The following MACROD2 variants were observed in gnomAD, a reference collection of about 807,000 sequenced individuals.
The protein encoded by MACROD2 is mono-ADP ribosylhydrolase 2.
Under a neutral mutation model 70.4 loss-of-function variants are expected in MACROD2, and 36 were observed. The observed-to-expected ratio is 0.51, with a 90% confidence interval of 0.39 to 0.68. MACROD2 has a LOEUF of 0.68. MACROD2 is among the 30% of genes least tolerant of loss of function. The pLI, the probability that MACROD2 is intolerant of heterozygous loss-of-function variation, is 0.00. For missense variants in MACROD2, 496 were observed against 538.4 expected (o/e 0.92, Z 0.78); for synonymous variants, 172 against 178.8 (o/e 0.96, Z 0.30).
At chr20:15,692,796 T>C (rs533961463) in intron 8 of MACROD2, among the ~76,000 whole-genome samples, 43 of 152,302 alleles carry the variant, frequency 2.8e-4, no homozygotes, top group African/African-American at 9.4e-4. Context: ...GGCCATTGCA[T>C]ATATTAGCTG....
At chr20:15,796,692 T>G (rs1217521668) in intron 8 of MACROD2, among the ~76,000 whole-genome samples, 5 of 152,290 alleles carry the variant, frequency 3.3e-5, no homozygotes, top group East Asian at 3.9e-4. Flanking sequence ...TCAATAATAC[T>G]TAGAATTATT....
chr20:15,190,677 G>A (rs899336754), intron 5 of MACROD2, among the ~76,000 whole-genome samples: 2 of 152,118 alleles, frequency 1.3e-5, no homozygotes, highest in Non-Finnish European at 2.9e-5. Context: ...TGCCCTGTGG[G>A]GCCACACAGG....
chr20:15,643,213 C>T (rs1600705494), intron 8 of MACROD2, among the ~76,000 whole-genome samples: 1 of 152,172 alleles, frequency 6.6e-6, no homozygotes, highest in East Asian at 1.9e-4. Context: ...GTTAATCTCA[C>T]CTTCTACCCT....
At chr20:14,483,420 T>A (rs1338742301) in intron 3 of MACROD2, among the ~76,000 whole-genome samples, 1 of 152,154 alleles carries the variant, frequency 6.6e-6, no homozygotes, top group African/African-American at 2.4e-5. Context: ...TTTTATTTTT[T>A]TTTGAGACGG....
intron 8 of MACROD2, among the ~76,000 whole-genome samples, chr20:15,643,738 GA>G (rs1288081019): frequency 6.6e-6 from 1 of 152,184 alleles, no homozygotes; most frequent in African/African-American, 2.4e-5. Flanking sequence ...TCTTATTGGG[GA>G]GGTACCATTA....
chr20:16,020,966 CAG>C (rs1411505019), intron 15 of MACROD2, among the ~76,000 whole-genome samples: 1 of 152,044 alleles, frequency 6.6e-6, no homozygotes, highest in Non-Finnish European at 1.5e-5. Flanking sequence ...GTTTAGAAAA[CAG>C]AGAAAAATAA....
chr20:15,427,455 T>G (rs1459372381), intron 6 of MACROD2, among the ~76,000 whole-genome samples: 1 of 152,228 alleles, frequency 6.6e-6, no homozygotes, highest in Non-Finnish European at 1.5e-5. Context: ...GAAAGGGAGT[T>G]AGCCCAGATC....
At chr20:14,773,327 C>T (rs1461265025) in intron 5 of MACROD2, among the ~76,000 whole-genome samples, 3 of 152,076 alleles carry the variant, frequency 2.0e-5, no homozygotes, top group African/African-American at 4.8e-5. Flanking sequence ...CAAACATTTA[C>T]TATCAAGCAG....
chr20:16,049,677 A>C (rs571969937), intron 17 of MACROD2, among the ~76,000 whole-genome samples, 153 bp from the exon 18 acceptor site: 88 of 152,348 alleles, frequency 5.8e-4, no homozygotes, highest in Non-Finnish European at 1.1e-3. Flanking sequence ...TACAGTTCAG[A>C]CATCTAAAGC....
At chr20:14,849,418 G>T (rs903666073) in intron 5 of MACROD2, among the ~76,000 whole-genome samples, 2 of 152,118 alleles carry the variant, frequency 1.3e-5, no homozygotes, top group Non-Finnish European at 2.9e-5. Flanking sequence ...ACTTCGGTGT[G>T]CTGGGGCTGT....
At chr20:15,643,111 T>A (rs1363057653) in intron 8 of MACROD2, among the ~76,000 whole-genome samples, 1 of 152,222 alleles carries the variant, frequency 6.6e-6, no homozygotes, top group South Asian at 2.1e-4. Context: ...GGGGGTGACC[T>A]GGATTATACA....
chr20:14,855,806 T>C (rs1458671894), intron 5 of MACROD2, among the ~76,000 whole-genome samples: 1 of 152,016 alleles, frequency 6.6e-6, no homozygotes, highest in East Asian at 1.9e-4. Flanking sequence ...TTATCTCTTA[T>C]GGTATGTCTT....
intron 2 of MACROD2, among the ~76,000 whole-genome samples, chr20:14,080,768 TC>T (rs2053983002): frequency 6.6e-6 from 1 of 152,150 alleles, no homozygotes; most frequent in African/African-American, 2.4e-5. Flanking sequence ...TATTCTAGTT[TC>T]CTCTGATAGC....
chr20:14,116,120 T>C (rs2054510491), intron 3 of MACROD2, among the ~76,000 whole-genome samples: 2 of 152,198 alleles, frequency 1.3e-5, no homozygotes, highest in Admixed American at 6.5e-5. Context: ...TTGTAACTGG[T>C]ATACTTGAGG....
At chr20:15,285,677 C>A (rs2077484544) in intron 6 of MACROD2, among the ~76,000 whole-genome samples, 1 of 152,104 alleles carries the variant, frequency 6.6e-6, no homozygotes, top group African/African-American at 2.4e-5. Context: ...GAGCTAGAAC[C>A]TGTACTGGTT....
intron 4 of MACROD2, among the ~76,000 whole-genome samples, chr20:14,503,882 T>A (rs2084941957): frequency 6.6e-6 from 1 of 152,224 alleles, no homozygotes; most frequent in Non-Finnish European, 1.5e-5. Context: ...GGAAAAAGCA[T>A]AATTTTCTAG....
intron 17 of MACROD2, among the ~76,000 whole-genome samples, chr20:16,047,813 CCA>C (rs1364335036): frequency 1.3e-5 from 2 of 152,168 alleles, no homozygotes; most frequent in Non-Finnish European, 2.9e-5. Flanking sequence ...GGCCTTATGG[CCA>C]CAGTCTTGCA....
intron 5 of MACROD2, among the ~76,000 whole-genome samples, chr20:15,151,936 AGAGG>A (rs1022109598): frequency 6.6e-6 from 1 of 151,742 alleles, no homozygotes; most frequent in African/African-American, 2.4e-5. Context: ...GGTCTGTAGA[AGAGG>A]AAGATTAGAA....
intron 8 of MACROD2, among the ~76,000 whole-genome samples, chr20:15,580,660 T>C (rs1480780377): frequency 2.0e-5 from 3 of 152,154 alleles, no homozygotes; most frequent in Admixed American, 2.0e-4. Context: ...CTCTTTACCC[T>C]CTGAAGGTTT....
Sources: allele counts gnomAD v4.1 joint callset (sites outside exome capture counted in the v4.1 genomes callset), GRCh38; gene constraint gnomAD v4.1.1; transcripts MANE v1.5; gene names NCBI Gene and HGNC (gene_info 2026-07-23, HGNC 2026-07-21).